The following ADARB2 variants were observed in gnomAD, a reference collection of about 807,000 sequenced individuals.
ADARB2 encodes adenosine deaminase RNA specific B2 (inactive).
ADARB2 carries 25 observed loss-of-function variants against 62.2 expected under a neutral mutation model. That is an observed-to-expected ratio of 0.40 (90% CI 0.29 to 0.56). The LOEUF (loss-of-function observed/expected upper bound fraction) is 0.56, where lower values mean the gene tolerates loss of function less well. Among genes scored for constraint, ADARB2 ranks in the 20% least tolerant of loss-of-function variants. ADARB2 has a pLI of 0.43. For missense variants in ADARB2, 1,071 were observed against 1,077.4 expected (o/e 0.99, Z 0.08); for synonymous variants, 572 against 500.8 (o/e 1.14, Z -1.90).
At chr10:1,447,299 A>G (rs992934159) in intron 1 of ADARB2, among the ~76,000 whole-genome samples, 1 of 152,206 alleles carries the variant, frequency 6.6e-6, no homozygotes, top group Non-Finnish European at 1.5e-5. Context: ...TAACCTCTTT[A>G]GGTTTCAGTT....
Position 1,363,164 on chromosome 10 carries a change from C to A in ADARB2, c.941G>T (p.Gly314Val). The A allele has an allele frequency of 6.5e-7, 1 of 1,540,378 alleles. No homozygotes were observed. The highest frequency in any genetic ancestry group is 8.7e-7 in the Non-Finnish European group (1 of 1,152,182). Reference sequence around the variant, plus strand: ...GCGCCCCGAGCCCTCGAACGTCCTGCCGTCCACGCTCACGGCCATCACGAA... The same window carrying A: ...GCGCCCCGAGCCCTCGAACGTCCTGACGTCCACGCTCACGGCCATCACGAA... ...RSFVMAVSVD[G>V]RTFEGSGRSK... The change falls in exon 3 of 10, where the codon GGC becomes GTC. Residue 314 changes from glycine to valine, a missense_variant. Physicochemically the swap from Gly to Val is moderately radical, Grantham distance 109 (BLOSUM62 -3). Coordinates refer to ENST00000381312, the MANE Select transcript of ADARB2 (RefSeq NM_018702.4).
chr10:1,632,717 A>T (rs573236764), intron 1 of ADARB2, among the ~76,000 whole-genome samples: 21 of 152,348 alleles, frequency 1.4e-4, no homozygotes, highest in Non-Finnish European at 2.6e-4. Flanking sequence ...ATGAAGTGGC[A>T]TTGAATAGAC....
At chr10:1,494,546 T>C (rs979215245) in intron 1 of ADARB2, among the ~76,000 whole-genome samples, 2 of 152,138 alleles carry the variant, frequency 1.3e-5, no homozygotes, top group Non-Finnish European at 2.9e-5. Flanking sequence ...ACCCACACAA[T>C]AGATTAAAAG....
intron 1 of ADARB2, among the ~76,000 whole-genome samples, chr10:1,697,341 C>T (rs577650989): frequency 4.6e-5 from 7 of 152,332 alleles, no homozygotes; most frequent in Admixed American, 1.3e-4. Flanking sequence ...CCCCTCTTGT[C>T]TTCCTTGTTG....
At chr10:1,575,493 G>A (rs1832998423) in intron 1 of ADARB2, among the ~76,000 whole-genome samples, 1 of 151,890 alleles carries the variant, frequency 6.6e-6, no homozygotes, top group African/African-American at 2.4e-5. Context: ...GTAAGCAGAT[G>A]GGCATGCAGC....
chr10:1,668,199 G>A (rs1834337352), intron 1 of ADARB2, among the ~76,000 whole-genome samples: 2 of 152,208 alleles, frequency 1.3e-5, no homozygotes, highest in Admixed American at 6.5e-5. Context: ...CTTGGGTTCA[G>A]TCTCTCTCTC....
chr10:1,614,678 G>A (rs893441863), intron 1 of ADARB2, among the ~76,000 whole-genome samples: 4 of 152,194 alleles, frequency 2.6e-5, no homozygotes, highest in East Asian at 1.9e-4. Context: ...TTGGGAGGCC[G>A]AGGCGGGCGG....
intron 1 of ADARB2, among the ~76,000 whole-genome samples, chr10:1,533,817 C>T (rs1347893384): frequency 6.6e-6 from 1 of 152,182 alleles, no homozygotes; most frequent in East Asian, 1.9e-4. Flanking sequence ...GAAGCACCCA[C>T]CCTCCCCCTC....
At chr10:1,188,740 G>A (rs1207524162) in intron 8 of ADARB2, among the ~76,000 whole-genome samples, 11 of 152,150 alleles carry the variant, frequency 7.2e-5, no homozygotes, top group African/African-American at 2.4e-4. Flanking sequence ...CCCGTGGAGC[G>A]GGAACCACGG....
intron 2 of ADARB2, among the ~76,000 whole-genome samples, chr10:1,374,127 T>C (rs531474443): frequency 1.3e-5 from 2 of 152,206 alleles, no homozygotes; most frequent in Non-Finnish European, 2.9e-5. Flanking sequence ...ATGAGGCATC[T>C]GTGAACTGTG....
chr10:1,462,999 T>C (rs1831198593), intron 1 of ADARB2, among the ~76,000 whole-genome samples: 1 of 143,850 alleles, frequency 7.0e-6, no homozygotes, highest in Non-Finnish European at 1.5e-5. Context: ...GTAGGGAAAG[T>C]ACGTTTCTGG....
At chr10:1,479,041 G>A (rs1247369364) in intron 1 of ADARB2, among the ~76,000 whole-genome samples, 1 of 152,216 alleles carries the variant, frequency 6.6e-6, no homozygotes, top group East Asian at 1.9e-4. Flanking sequence ...ACAGCCAAGA[G>A]GGGAGTGGGG....
chr10:1,584,687 C>T (rs182442119), intron 1 of ADARB2, among the ~76,000 whole-genome samples: 13 of 152,290 alleles, frequency 8.5e-5, no homozygotes, highest in African/African-American at 2.9e-4. Context: ...TTGGAGCGAC[C>T]AAGAGGCCCT....
intron 3 of ADARB2, among the ~76,000 whole-genome samples, chr10:1,308,094 T>TA (rs961955850): frequency 5.8e-5 from 8 of 138,672 alleles, no homozygotes; most frequent in South Asian, 2.5e-4. Context: ...AAAAATAAAT[T>TA]AAAAAAAAAA....
At chr10:1,629,914 C>T (rs888200124) in intron 1 of ADARB2, among the ~76,000 whole-genome samples, 4 of 152,044 alleles carry the variant, frequency 2.6e-5, no homozygotes, top group African/African-American at 7.2e-5. Context: ...GGGAAGGGAG[C>T]GTGAGGAGGG....
chr10:1,367,454 T>C (rs183927524), intron 2 of ADARB2, among the ~76,000 whole-genome samples: 1 of 152,346 alleles, frequency 6.6e-6, no homozygotes, highest in East Asian at 1.9e-4. Flanking sequence ...TGCACAACAT[T>C]CATTTACAGT....
chr10:1,716,828 CT>C (rs1179744976), intron 1 of ADARB2, among the ~76,000 whole-genome samples: 1 of 152,090 alleles, frequency 6.6e-6, no homozygotes, highest in Non-Finnish European at 1.5e-5. Flanking sequence ...TATCAAGGAG[CT>C]ATACTGTAGA....
chr10:1,187,828 G>T lies in ADARB2; in HGVS notation c.1865-2789C>A, dbSNP rs530894863. The T allele has an allele frequency of 2.1e-5, 9 of 435,744 alleles. No individual in the cohort carries two copies. In the East Asian group the frequency reaches 2.9e-4, roughly 14 times the overall value. The allele number at this position is 435,744 out of a possible 1,614,324, so 27.0% of individuals were successfully genotyped here. On this transcript the variant is annotated intron_variant, in intron 8 of 9. Coordinates refer to ENST00000381312, the MANE Select transcript of ADARB2 (RefSeq NM_018702.4). ...GTGGGCTGCGGGGTCGTCCAGCCTT[G>T]CATGGGGGCTTCTTCTCACCAGGGT...
chr10:1,588,133 C>T (rs1329873466), intron 1 of ADARB2, among the ~76,000 whole-genome samples: 2 of 152,288 alleles, frequency 1.3e-5, no homozygotes, highest in African/African-American at 2.4e-5. Context: ...GCCACCCTGG[C>T]TCAAGGCTCA....
Sources: allele counts gnomAD v4.1 joint callset (sites outside exome capture counted in the v4.1 genomes callset), GRCh38; gene constraint gnomAD v4.1.1; transcripts MANE v1.5; gene names NCBI Gene and HGNC (gene_info 2026-07-23, HGNC 2026-07-21).